SLC14A2: variants seen among roughly 807,000 people sequenced by gnomAD.
SLC14A2 encodes urea transporter 2.
SLC14A2 carries 91 observed loss-of-function variants against 104.6 expected under a neutral mutation model. That is an observed-to-expected ratio of 0.87 (90% CI 0.73 to 1.04). The LOEUF is 1.04. Ranked by LOEUF, SLC14A2 falls within the 50% of genes least tolerant of loss-of-function variation. The pLI is 0.00. For synonymous variants in SLC14A2, 476 were observed against 466.4 expected (o/e 1.02, Z -0.27); for missense variants, 1,189 against 1,156.0 (o/e 1.03, Z -0.41).
rs138971106 is a variant in SLC14A2 at position 45,670,208 on chromosome 18, T to C, written c.2229+710T>C. 5.8e-3 allele frequency among the ~76,000 whole-genome samples: 886 copies of C among 152,302 alleles called. 3 individuals are homozygous for C. Among genetic ancestry groups the C allele is most frequent in the African/African-American group, 0.02 (830 of 41,572 alleles). On this transcript the variant is annotated intron_variant, in intron 16 of 19. Transcript: ENST00000255226. ...CAGGGCTTTTTCTACTACACCATGC[T>C]GTTGGTTTTAAAGCACAGGTGTTCT... is the stretch of plus-strand genomic sequence containing the variant.
At chr18:45,219,556 A>G (rs1260387402) in intron 1 of SLC14A2, among the ~76,000 whole-genome samples, 2 of 152,234 alleles carry the variant, frequency 1.3e-5, no homozygotes, top group South Asian at 2.1e-4. Context: ...AGTGGGGGCT[A>G]TATGAGACTC....
intron 1 of SLC14A2, among the ~76,000 whole-genome samples, chr18:45,348,488 T>C (rs933246626): frequency 3.3e-5 from 5 of 152,122 alleles, no homozygotes; most frequent in African/African-American, 1.2e-4. Flanking sequence ...ACCATATCAG[T>C]CCCCAGGTGA....
chr18:45,528,699 T>A (rs2043635700), intron 2 of SLC14A2: 1 of 152,032 alleles, frequency 6.6e-6, no homozygotes, highest in Non-Finnish European at 1.5e-5. Context: ...ATCCTGGCAC[T>A]CAAGTTACTT....
intron 1 of SLC14A2, among the ~76,000 whole-genome samples, chr18:45,386,878 A>T (rs1304661168): frequency 2.6e-5 from 4 of 152,242 alleles, no homozygotes; most frequent in African/African-American, 9.6e-5. Flanking sequence ...TAAACCACTT[A>T]GCACATAACC....
chr18:45,426,361 A>C (rs1481391368), intron 1 of SLC14A2, among the ~76,000 whole-genome samples: 1 of 151,834 alleles, frequency 6.6e-6, no homozygotes, highest in Non-Finnish European at 1.5e-5. Flanking sequence ...TGATTTTTCA[A>C]CTGGATTGTG....
intron 10 of SLC14A2, among the ~76,000 whole-genome samples, chr18:45,648,177 T>A (rs2045654861): frequency 6.8e-6 from 1 of 147,746 alleles, no homozygotes; most frequent in Non-Finnish European, 1.5e-5. Context: ...TAAGTTACCC[T>A]CTTTATTCTA....
intron 1 of SLC14A2, among the ~76,000 whole-genome samples, chr18:45,446,335 G>T (rs2086769034): frequency 6.6e-6 from 1 of 152,142 alleles, no homozygotes; most frequent in Non-Finnish European, 1.5e-5. Context: ...GGTCATTAGG[G>T]TGGAGCCCCT....
At chr18:45,568,991 G>A (rs537043799) in intron 2 of SLC14A2, among the ~76,000 whole-genome samples, 2 of 152,324 alleles carry the variant, frequency 1.3e-5, no homozygotes, top group Admixed American at 1.3e-4. Flanking sequence ...GCATTTCCAG[G>A]AGACTGAGTA....
chr18:45,627,718 A>T (rs576116848), intron 4 of SLC14A2, among the ~76,000 whole-genome samples: 2 of 152,322 alleles, frequency 1.3e-5, no homozygotes, highest in South Asian at 4.2e-4. Flanking sequence ...GTCAAGTAAC[A>T]ATAACAAGGG....
intron 2 of SLC14A2, among the ~76,000 whole-genome samples, chr18:45,583,235 C>A (rs185350893): frequency 6.6e-6 from 1 of 152,332 alleles, no homozygotes; most frequent in African/African-American, 2.4e-5. Flanking sequence ...CTCCAAGCCA[C>A]TTGGCAACCC....
At chr18:45,490,558 A>G (rs2042979181) in intron 2 of SLC14A2, among the ~76,000 whole-genome samples, 1 of 152,336 alleles carries the variant, frequency 6.6e-6, no homozygotes, top group Non-Finnish European at 1.5e-5. Context: ...TTAAGAAAAA[A>G]TTTTAAGAAC....
chr18:45,462,651 A>C (rs758321448), intron 1 of SLC14A2, among the ~76,000 whole-genome samples: 19 of 152,232 alleles, frequency 1.2e-4, no homozygotes, highest in Non-Finnish European at 1.5e-4. Flanking sequence ...TCTAATCAGC[A>C]GTGTATACTT....
chr18:45,200,352 A>G, the SLC14A2 span, among the ~76,000 whole-genome samples: 2 of 152,298 alleles, frequency 1.3e-5, no homozygotes, highest in Non-Finnish European at 2.9e-5. Flanking sequence ...CAGGATTTTG[A>G]TGTTCAAAAT....
chr18:45,566,784 G>A (rs933434072), intron 2 of SLC14A2, among the ~76,000 whole-genome samples: 6 of 152,146 alleles, frequency 3.9e-5, no homozygotes, highest in Non-Finnish European at 7.3e-5. Flanking sequence ...ACTGCAGGGC[G>A]GTACAGACAG....
chr18:45,204,355 T>C, the SLC14A2 span, among the ~76,000 whole-genome samples: 15 of 152,302 alleles, frequency 9.8e-5, no homozygotes, highest in Admixed American at 3.9e-4. Context: ...AACCTTCGGG[T>C]CTACTTGATT....
intron 2 of SLC14A2, among the ~76,000 whole-genome samples, chr18:45,551,711 G>A (rs370823908): frequency 1.3e-5 from 2 of 152,210 alleles, no homozygotes; most frequent in African/African-American, 4.8e-5. Flanking sequence ...GCCCAGAGGA[G>A]GGCAGGGCAG....
At position 45,241,277 on chromosome 18, in the gene SLC14A2, G is replaced by A. The variant is rs150482896; in HGVS notation, c.-125+28086G>A. On this transcript the variant is annotated intron_variant, in intron 1 of 20. Coordinates refer to the SLC14A2 transcript ENST00000586448. ...GCCACTGGACATGTTTTCAGAAAAG[G>A]GGTGACGTGCTCTGGCTGCTGTCTT... 2.1e-3 allele frequency among the ~76,000 whole-genome samples: 315 copies of A among 152,298 alleles called. 2 individuals are homozygous for A. The highest frequency in any genetic ancestry group is 7.2e-3 in the African/African-American group (300 of 41,566).
chr18:45,401,812 A>G (rs1476407166), intron 1 of SLC14A2, among the ~76,000 whole-genome samples: 1 of 152,208 alleles, frequency 6.6e-6, no homozygotes, highest in East Asian at 1.9e-4. Flanking sequence ...TTCTGGAGAT[A>G]CACTCCCTAA....
intron 2 of SLC14A2, among the ~76,000 whole-genome samples, chr18:45,534,191 C>T (rs541067170): frequency 1.3e-5 from 2 of 152,128 alleles, no homozygotes; most frequent in Non-Finnish European, 1.5e-5. Flanking sequence ...ATTTCACATG[C>T]ATTCCCTCCA....
Sources: allele counts gnomAD v4.1 joint callset (sites outside exome capture counted in the v4.1 genomes callset), GRCh38; gene constraint gnomAD v4.1.1; transcripts MANE v1.5; gene names NCBI Gene and HGNC (gene_info 2026-07-23, HGNC 2026-07-21).